TMEM116: variants seen among roughly 807,000 people sequenced by gnomAD.
The protein encoded by TMEM116 is transmembrane protein 116.
Under a neutral mutation model 44.3 loss-of-function variants are expected in TMEM116, and 38 were observed. The ratio of observed to expected loss-of-function variants is 0.86; its 90% CI spans 0.66 to 1.12. The LOEUF is 1.12. TMEM116 is among the 50% of genes most tolerant of loss of function. TMEM116 has a pLI of 0.00. For synonymous variants in TMEM116, 132 were observed against 144.8 expected, an observed-to-expected ratio of 0.91 and a Z score of 0.64; for missense variants, 354 against 401.7, an observed-to-expected ratio of 0.88 and a Z score of 1.01.
At chr12:111,976,780 GA>G (rs1199036536) in intron 4 of TMEM116, among the ~76,000 whole-genome samples, 1 of 151,924 alleles carries the variant, frequency 6.6e-6, no homozygotes, top group African/African-American at 2.4e-5. Context: ...CTCTTAAAAA[GA>G]ATCAAAAGGA....
chr12:111,980,221 A>G (rs2075867757), intron 4 of TMEM116, among the ~76,000 whole-genome samples: 1 of 152,180 alleles, frequency 6.6e-6, no homozygotes, highest in East Asian at 1.9e-4. Flanking sequence ...ACTGTGATAA[A>G]CCCATACAAC....
intron 3 of TMEM116, chr12:111,993,854 A>T: frequency 1.3e-6 from 1 of 751,456 alleles, no homozygotes; most frequent in Non-Finnish European, 2.5e-6. Context: ...GTGTTGAATA[A>T]AGAAAAAGGT....
At chr12:112,007,844 A>G (rs2077661420) in intron 1 of TMEM116, among the ~76,000 whole-genome samples, 1 of 152,198 alleles carries the variant, frequency 6.6e-6, no homozygotes, top group Non-Finnish European at 1.5e-5. Flanking sequence ...TATACCATCT[A>G]CCAACATTTG....
At chr12:111,986,193 A>C (rs993765623) in intron 4 of TMEM116, among the ~76,000 whole-genome samples, 3 of 151,038 alleles carry the variant, frequency 2.0e-5, no homozygotes, top group African/African-American at 7.3e-5. Context: ...CTCTCTCTAC[A>C]AAAAAAAATT....
At chr12:111,987,694 C>T (rs2076305865) in intron 4 of TMEM116, among the ~76,000 whole-genome samples, 1 of 152,062 alleles carries the variant, frequency 6.6e-6, no homozygotes, top group Non-Finnish European at 1.5e-5. Flanking sequence ...AAAAAAACAG[C>T]AACAAATGTT....
intron 4 of TMEM116, among the ~76,000 whole-genome samples, chr12:111,958,363 G>T (rs1351119259): frequency 6.7e-6 from 1 of 149,454 alleles, no homozygotes; most frequent in Non-Finnish European, 1.5e-5. Context: ...AAGACCAAAG[G>T]TAGATAAATT....
chr12:111,945,073 T>TAAAAAAA (rs1231486290), intron 4 of TMEM116, among the ~76,000 whole-genome samples: 1 of 56,618 alleles, frequency 1.8e-5, no homozygotes, highest in Non-Finnish European at 3.5e-5. Flanking sequence ...AGACTCCATC[T>TAAAAAAA]AAAAAAAAAA....
chr12:112,002,618 T>C (rs2077323387), intron 3 of TMEM116, among the ~76,000 whole-genome samples: 1 of 152,084 alleles, frequency 6.6e-6, no homozygotes, highest in African/African-American at 2.4e-5. Flanking sequence ...CTCTTCTATT[T>C]ACTGTGTAAC....
At chr12:111,970,011 A>T (rs1188551975) in intron 4 of TMEM116, among the ~76,000 whole-genome samples, 2 of 152,098 alleles carry the variant, frequency 1.3e-5, no homozygotes, top group Non-Finnish European at 2.9e-5. Context: ...TCATGCCTGT[A>T]ATCCTAGCAC....
chr12:111,966,368 T>A (rs2074987023), intron 4 of TMEM116, among the ~76,000 whole-genome samples: 1 of 152,156 alleles, frequency 6.6e-6, no homozygotes. Flanking sequence ...GTCAACTACT[T>A]AAAAACTACT....
At chr12:111,932,489 C>A in intron 10 of TMEM116, 97 bp downstream of exon 10, 1 of 1,011,830 alleles carries the variant, frequency 9.9e-7, no homozygotes, top group South Asian at 1.3e-5. Context: ...TGTAGAAGTA[C>A]CCGGAGGGAA....
chr12:111,978,715 A>G lies in TMEM116; in HGVS notation c.210+13043T>C, dbSNP rs574948347. On this transcript the variant is annotated intron_variant, in intron 4 of 10. Coordinates refer to ENST00000552374, the MANE Select transcript of TMEM116 (RefSeq NM_001193531.2). Reference sequence around the variant, plus strand: ...TACAACAAGAAAATAGCCATCTGCAAACCAGGAAGTGGGCTCTTACCAGAC... The same window carrying G: ...TACAACAAGAAAATAGCCATCTGCAGACCAGGAAGTGGGCTCTTACCAGAC... The G allele has an allele frequency of 7.1e-4, 296 of 413,994 alleles. 1 individual carries two copies. The highest frequency in any genetic ancestry group is 1.3e-3 in the Non-Finnish European group (261 of 205,452). 25.6% of individuals were successfully genotyped at this position (413,994 alleles called of 1,614,324 possible). A position where few individuals can be genotyped will look rare whatever the true frequency, so the allele number is the denominator to read the frequency against.
chr12:111,974,131 A>T (rs2136477014), intron 4 of TMEM116, among the ~76,000 whole-genome samples: 1 of 152,082 alleles, frequency 6.6e-6, no homozygotes, highest in South Asian at 2.1e-4. Flanking sequence ...TCCATTCTCA[A>T]TTTTAAAAAC....
intron 4 of TMEM116, among the ~76,000 whole-genome samples, chr12:111,963,032 AT>A (rs1473858450): frequency 3.9e-5 from 6 of 152,146 alleles, no homozygotes; most frequent in Non-Finnish European, 8.8e-5. Context: ...AAAAGAAGAC[AT>A]TATGCAGCCA....
chr12:111,990,732 G>A, intron 4 of TMEM116, among the ~76,000 whole-genome samples: 1 of 152,142 alleles, frequency 6.6e-6, no homozygotes, highest in South Asian at 2.1e-4. Context: ...ATGGCACTAT[G>A]TGGATTAATC....
intron 4 of TMEM116, among the ~76,000 whole-genome samples, chr12:111,975,867 G>A (rs1162151353): frequency 3.3e-5 from 5 of 152,102 alleles, no homozygotes; most frequent in Non-Finnish European, 7.4e-5. Flanking sequence ...AAATGCTTAA[G>A]ATTTAATTAT....
intron 3 of TMEM116, chr12:111,993,829 G>T: frequency 2.7e-6 from 2 of 747,672 alleles, no homozygotes; most frequent in South Asian, 2.7e-5. Context: ...TCACCCTGAT[G>T]ATTCTGTGGT....
At chr12:111,949,933 G>T (rs2073585169) in intron 4 of TMEM116, among the ~76,000 whole-genome samples, 1 of 152,106 alleles carries the variant, frequency 6.6e-6, no homozygotes, top group South Asian at 2.1e-4. Context: ...TGGTCAACAT[G>T]GTGAGACCCC....
intron 3 of TMEM116, chr12:111,993,574 T>C: frequency 1.8e-6 from 1 of 542,604 alleles, no homozygotes. Context: ...GACCAAGACT[T>C]TGAGGGATGC....
Sources: allele counts gnomAD v4.1 joint callset (sites outside exome capture counted in the v4.1 genomes callset), GRCh38; gene constraint gnomAD v4.1.1; transcripts MANE v1.5; gene names NCBI Gene and HGNC (gene_info 2026-07-23, HGNC 2026-07-21).